EPHA3: variants seen among roughly 807,000 people sequenced by gnomAD.
EPHA3 encodes EPH receptor A3.
A neutral mutation model predicts 107.1 loss-of-function variants in EPHA3; 42 were observed. The observed-to-expected ratio is 0.39, with a 90% confidence interval of 0.31 to 0.51. The LOEUF (loss-of-function observed/expected upper bound fraction) is 0.51, where lower values mean the gene tolerates loss of function less well. Among genes scored for constraint, EPHA3 ranks in the 20% least tolerant of loss-of-function variants. The pLI is 0.78. For synonymous variants in EPHA3, 461 were observed against 424.8 expected (o/e 1.09, Z -1.05); for missense variants, 1,183 against 1,211.2 (o/e 0.98, Z 0.35).
chr3:89,211,210 C>G (rs923938529), intron 3 of EPHA3, among the ~76,000 whole-genome samples: 3 of 151,950 alleles, frequency 2.0e-5, no homozygotes, highest in African/African-American at 7.3e-5. Flanking sequence ...TATCACAGAA[C>G]TAGAACTCTT....
intron 3 of EPHA3, among the ~76,000 whole-genome samples, chr3:89,243,578 G>A (rs535434763): frequency 3.3e-5 from 5 of 152,104 alleles, no homozygotes; most frequent in East Asian, 3.9e-4. Context: ...TGTTCATATC[G>A]TTTGCCCACT....
intron 15 of EPHA3, among the ~76,000 whole-genome samples, chr3:89,455,612 G>A (rs1391984135): frequency 6.6e-6 from 1 of 152,112 alleles, no homozygotes; most frequent in East Asian, 1.9e-4. Flanking sequence ...AGGAGGTGGG[G>A]GTCATTTTAA....
intron 3 of EPHA3, among the ~76,000 whole-genome samples, chr3:89,330,959 A>G (rs1227675518): frequency 6.6e-6 from 1 of 152,150 alleles, no homozygotes; most frequent in Admixed American, 6.6e-5. Flanking sequence ...GGAAAAAAGC[A>G]AGAAGAAAAA....
intron 16 of EPHA3, 111 bp from the exon 17 acceptor site, chr3:89,479,286 A>G: frequency 2.5e-6 from 2 of 803,840 alleles, no homozygotes; most frequent in Middle Eastern, 2.4e-4. Flanking sequence ...ATATCAGACA[A>G]TTAGGTCCAC....
chr3:89,132,707 CCAATCAAT>C (rs562177903), intron 2 of EPHA3, among the ~76,000 whole-genome samples: 1 of 152,058 alleles, frequency 6.6e-6, no homozygotes, highest in Non-Finnish European at 1.5e-5. Context: ...CACCCCATCT[CCAATCAAT>C]CAATCAATCA....
chr3:89,385,383 G>A (rs1708594851), intron 5 of EPHA3, among the ~76,000 whole-genome samples: 1 of 152,256 alleles, frequency 6.6e-6, no homozygotes, highest in African/African-American at 2.4e-5. Context: ...GAATCATGGG[G>A]GCTGTTACCC....
intron 3 of EPHA3, among the ~76,000 whole-genome samples, chr3:89,334,313 C>T (rs1707350832): frequency 6.6e-6 from 1 of 152,170 alleles, no homozygotes; most frequent in Non-Finnish European, 1.5e-5. Flanking sequence ...TATTTGTTCT[C>T]AGCCAGGAAA....
chr3:89,398,426 A>G (rs187809695), intron 6 of EPHA3, among the ~76,000 whole-genome samples: 1 of 152,306 alleles, frequency 6.6e-6, no homozygotes. Context: ...TCTCCTAGAG[A>G]TCCTTTTTGG....
intron 5 of EPHA3, among the ~76,000 whole-genome samples, chr3:89,364,363 CAG>C (rs1468862293): frequency 6.6e-6 from 1 of 151,008 alleles, no homozygotes; most frequent in Admixed American, 6.6e-5. Flanking sequence ...CCTACAGATG[CAG>C]AGTCTCTGAA....
intron 3 of EPHA3, among the ~76,000 whole-genome samples, chr3:89,249,559 C>G (rs1220414784): frequency 2.6e-5 from 4 of 152,088 alleles, no homozygotes; most frequent in East Asian, 1.9e-4. Flanking sequence ...CTCCTGGGCT[C>G]GAGCAATTCC....
chr3:89,258,703 A>C (rs377508519), intron 3 of EPHA3, among the ~76,000 whole-genome samples: 17 of 152,320 alleles, frequency 1.1e-4, no homozygotes, highest in African/African-American at 4.1e-4. Context: ...ATTACATATA[A>C]TATAGCAGAT....
intron 2 of EPHA3, among the ~76,000 whole-genome samples, chr3:89,173,645 C>T (rs1167341013): frequency 1.3e-5 from 2 of 151,938 alleles, no homozygotes; most frequent in African/African-American, 4.8e-5. Flanking sequence ...AAGAGAGAAG[C>T]TGTATTCAAA....
At chr3:89,402,304 A>G (rs1270475792) in intron 7 of EPHA3, among the ~76,000 whole-genome samples, 1 of 152,150 alleles carries the variant, frequency 6.6e-6, no homozygotes, top group Non-Finnish European at 1.5e-5. Flanking sequence ...CAATGCTTCC[A>G]TTGATTGAGA....
chr3:89,216,045 T>TG (rs1360474913), intron 3 of EPHA3, among the ~76,000 whole-genome samples: 2 of 151,976 alleles, frequency 1.3e-5, no homozygotes, highest in African/African-American at 4.8e-5. Context: ...ATGCTTTGAC[T>TG]GGTCTAGTGT....
intron 3 of EPHA3, among the ~76,000 whole-genome samples, chr3:89,244,815 C>T (rs887683818): frequency 1.3e-5 from 2 of 152,276 alleles, no homozygotes; most frequent in African/African-American, 2.4e-5. Context: ...CTGGGCTTTT[C>T]AATTTTGCCA....
intron 2 of EPHA3, among the ~76,000 whole-genome samples, chr3:89,127,679 T>C (rs957437886): frequency 6.6e-6 from 1 of 151,982 alleles, no homozygotes; most frequent in African/African-American, 2.4e-5. Context: ...CAGTAACTGC[T>C]CTTCCAAGTA....
intron 1 of EPHA3, among the ~76,000 whole-genome samples, chr3:89,114,556 T>A (rs369251755): frequency 6.6e-5 from 10 of 152,192 alleles, no homozygotes; most frequent in African/African-American, 2.4e-4. Flanking sequence ...TCTCCGCGCC[T>A]GGCTGCCCAA....
rs185624626 is a variant in EPHA3 at position 89,444,132 on chromosome 3, C to T, written c.2347-5093C>T. Among the ~76,000 whole-genome samples the T allele has an allele frequency of 4.6e-5, 7 of 152,198 alleles. No homozygotes were observed. In the East Asian group the frequency reaches 1.2e-3, roughly 25 times the overall value. On this transcript the variant is annotated intron_variant, in intron 13 of 16. Transcript: ENST00000336596. ...ACATAGTTTCATGTGAGTTAATACT[C>T]CTTATCTTCAGCTTTATAATCTATT...
intron 2 of EPHA3, among the ~76,000 whole-genome samples, chr3:89,164,091 C>A (rs114476811): frequency 6.6e-6 from 1 of 152,062 alleles, no homozygotes; most frequent in South Asian, 2.1e-4. Flanking sequence ...ACAGAGGTAG[C>A]GTTTCAGACA....
Sources: gnomAD v4.1 joint callset for allele counts (sites outside exome capture counted in the v4.1 genomes callset) on GRCh38, gnomAD v4.1.1 for gene constraint, MANE v1.5 for transcripts, NCBI Gene and HGNC (gene_info 2026-07-23, HGNC 2026-07-21) for gene names.